AMBRA1: variants seen among roughly 807,000 people sequenced by gnomAD.
The protein encoded by AMBRA1 is autophagy and beclin 1 regulator 1.
In AMBRA1, 47 loss-of-function variants were observed where a neutral mutation model predicts 125.4. The ratio of observed to expected loss-of-function variants is 0.37; its 90% CI spans 0.30 to 0.48. The LOEUF (loss-of-function observed/expected upper bound fraction) is 0.48. AMBRA1 is among the 20% of genes least tolerant of loss of function. The pLI, the probability that AMBRA1 is intolerant of heterozygous loss-of-function variation, is 0.99. For synonymous variants in AMBRA1, 626 were observed against 655.5 expected (o/e 0.95, Z 0.69); for missense variants, 1,331 against 1,693.4 (o/e 0.79, Z 3.76).
At chr11:46,405,937 T>C (rs1173441651) in intron 17 of AMBRA1, among the ~76,000 whole-genome samples, 2 of 151,890 alleles carry the variant, frequency 1.3e-5, no homozygotes, top group African/African-American at 4.8e-5. Flanking sequence ...TTTGCTGTGT[T>C]GCCCAGGCTG....
chr11:46,477,322 T>C (rs927217139), intron 11 of AMBRA1, among the ~76,000 whole-genome samples: 1 of 138,128 alleles, frequency 7.2e-6, no homozygotes, highest in African/African-American at 2.8e-5. Context: ...AAGATACTTC[T>C]TTTTTTTTTT....
chr11:46,421,710 A>G (rs1946856964), intron 14 of AMBRA1, among the ~76,000 whole-genome samples: 1 of 152,204 alleles, frequency 6.6e-6, no homozygotes, highest in African/African-American at 2.4e-5. Context: ...ACCTCTCACA[A>G]TTAGCCCTAC....
At chr11:46,592,610 T>A (rs955268566) in intron 1 of AMBRA1, among the ~76,000 whole-genome samples, 1 of 151,916 alleles carries the variant, frequency 6.6e-6, no homozygotes. Flanking sequence ...ATACAAAAAT[T>A]AGCCGAGTGT....
intron 11 of AMBRA1, among the ~76,000 whole-genome samples, chr11:46,477,067 C>T (rs1170335478): frequency 1.3e-5 from 2 of 149,588 alleles, no homozygotes; most frequent in African/African-American, 5.0e-5. Context: ...GCCGAGATTG[C>T]GCCACTGCAC....
chr11:46,413,955 G>T (rs1046052567), intron 15 of AMBRA1, among the ~76,000 whole-genome samples: 2 of 152,084 alleles, frequency 1.3e-5, no homozygotes, highest in Non-Finnish European at 2.9e-5. Flanking sequence ...GAGGAGGAAG[G>T]CTAGGAGGTC....
At chr11:46,459,739 T>C (rs77222873) in intron 11 of AMBRA1, among the ~76,000 whole-genome samples, 3,574 of 110,250 alleles carry the variant, frequency 0.032, 51 homozygotes, top group South Asian at 0.041. Flanking sequence ...AAAATACACA[T>C]ACACACACAC....
chr11:46,585,696 ATATATATATATATATATATATAT>A (rs1257039759), intron 1 of AMBRA1, among the ~76,000 whole-genome samples: 3 of 16,116 alleles, frequency 1.9e-4, no homozygotes, highest in Non-Finnish European at 3.7e-4. Flanking sequence ...AAAAAAAAAA[ATATATATATATATATATATATAT>A]ATATTCCTAG....
intron 11 of AMBRA1, among the ~76,000 whole-genome samples, chr11:46,482,704 G>C (rs531915837): frequency 6.6e-5 from 10 of 152,126 alleles, no homozygotes; most frequent in African/African-American, 2.4e-4. Context: ...TACTTTACCA[G>C]CTATGAGCCA....
intron 9 of AMBRA1, among the ~76,000 whole-genome samples, chr11:46,501,282 C>T (rs886417104): frequency 2.6e-5 from 4 of 152,210 alleles, no homozygotes; most frequent in African/African-American, 9.6e-5. Flanking sequence ...TTCCAGTTTC[C>T]TCTCACATCC....
intron 14 of AMBRA1, among the ~76,000 whole-genome samples, chr11:46,427,837 T>A (rs1947225673): frequency 6.6e-6 from 1 of 151,848 alleles, no homozygotes; most frequent in Non-Finnish European, 1.5e-5. Context: ...AGTGAAACCC[T>A]GTCTCTACTA....
In AMBRA1 at chr11:46,548,457, A is replaced by G. The variant is rs1439201937; in HGVS notation, c.-77T>C. On this transcript the variant is annotated 5_prime_UTR_variant, in exon 2 of 18. An upstream open reading frame in the 5' UTR loses its in-frame stop. Coordinates refer to ENST00000683756, the MANE Select transcript of AMBRA1 (RefSeq NM_001387011.1). ...ACAGCTCCAACACACTGAAGCAGCT[A>G]AAATGAGGCCATACAGGTCCTTGTA... The G allele has an allele frequency of 1.3e-6, 2 of 1,582,704 alleles. No individual in the cohort carries two copies. The highest frequency in any genetic ancestry group is 1.7e-6 in the Non-Finnish European group (2 of 1,162,826).
chr11:46,410,180 C>A (rs925662255), intron 16 of AMBRA1, 96 bp downstream of exon 16: 8 of 1,123,724 alleles, frequency 7.1e-6, no homozygotes, highest in Non-Finnish European at 1.1e-5. Context: ...GAGGAGGGAC[C>A]CAGAGCCCTA....
At chr11:46,500,492 C>T (rs1950796169) in intron 9 of AMBRA1, among the ~76,000 whole-genome samples, 1 of 152,168 alleles carries the variant, frequency 6.6e-6, no homozygotes. Flanking sequence ...CTTTAGGTCA[C>T]CTTAACCAAT....
rs1435713093 is a variant in AMBRA1, at chr11:46,508,352, G to A, written c.2178C>T (p.Tyr726=). 1.9e-6 allele frequency: 3 copies of A among 1,614,138 alleles called. No individual in the cohort carries two copies. Among genetic ancestry groups the A allele is most frequent in the Non-Finnish European group, 2.5e-6 (3 of 1,179,994 alleles). ...GATACTGGATCATCCTCTGGGCGTA[G>A]TATGCAGCAGGAGATAATCTGAGAG... is the stretch of plus-strand genomic sequence containing the variant. ...PDPARLSPAA[Y]YAQRMIQYLS... The change falls in exon 9 of 18, where the codon TAC becomes TAT. Residue 726 remains tyrosine, a synonymous_variant. Coordinates refer to ENST00000683756, the MANE Select transcript of AMBRA1 (RefSeq NM_001387011.1).
chr11:46,566,890 T>A (rs1379954337), intron 1 of AMBRA1, among the ~76,000 whole-genome samples: 16 of 152,088 alleles, frequency 1.1e-4, no homozygotes, highest in Admixed American at 1.0e-3. Context: ...GCCCCAAGTT[T>A]AGGATTATGA....
At chr11:46,443,682 T>C (rs539989846) in intron 11 of AMBRA1, 84 bp from the exon 12 acceptor site, 45 of 1,181,344 alleles carry the variant, frequency 3.8e-5, no homozygotes, top group Non-Finnish European at 4.9e-5. Flanking sequence ...CTGGGATTAG[T>C]AGTGGGGAGA....
intron 7 of AMBRA1, among the ~76,000 whole-genome samples, chr11:46,531,345 AAC>A (rs935101682): frequency 2.6e-5 from 4 of 152,240 alleles, no homozygotes; most frequent in African/African-American, 7.2e-5. Flanking sequence ...TAGGGCAGGG[AAC>A]ACACACAGAA....
intron 8 of AMBRA1, 78 bp from the exon 9 acceptor site, chr11:46,508,448 C>T: frequency 7.1e-6 from 10 of 1,406,580 alleles, no homozygotes; most frequent in Non-Finnish European, 8.8e-6. Context: ...ATCCAGCTCT[C>T]CCATGGCATC....
intron 11 of AMBRA1, among the ~76,000 whole-genome samples, chr11:46,457,210 A>G (rs151076522): frequency 4.9e-4 from 74 of 152,338 alleles, no homozygotes; most frequent in African/African-American, 1.6e-3. Context: ...TGAACCCTCT[A>G]ATTCAAAGCC....
Sources: allele counts gnomAD v4.1 joint callset (sites outside exome capture counted in the v4.1 genomes callset), GRCh38; gene constraint gnomAD v4.1.1; transcripts MANE v1.5; gene names NCBI Gene and HGNC (gene_info 2026-07-23, HGNC 2026-07-21).